The following LIPA variants were observed in gnomAD, a reference collection of about 807,000 sequenced individuals.
LIPA encodes lysosomal acid lipase/cholesteryl ester hydrolase.
In LIPA, 26 loss-of-function variants were observed where a neutral mutation model predicts 40.6. The ratio of observed to expected loss-of-function variants is 0.64; its 90% CI spans 0.47 to 0.89. The LOEUF is 0.89. Ranked by LOEUF, LIPA falls within the 40% of genes least tolerant of loss-of-function variation. LIPA has a pLI of 0.00. For synonymous variants in LIPA, 188 were observed against 168.4 expected (o/e 1.12, Z -0.90); for missense variants, 455 against 479.6 (o/e 0.95, Z 0.48).
upstream of LIPA, among the ~76,000 whole-genome samples, chr10:89,255,583 T>C (rs554732893): frequency 5.9e-5 from 9 of 152,126 alleles, no homozygotes; most frequent in African/African-American, 2.2e-4. Context: ...GTGATAGCAG[T>C]GAAAGTGGAG....
chr10:89,318,326 C>G (rs542877214), intron 1 of LIPA, among the ~76,000 whole-genome samples: 6 of 152,102 alleles, frequency 3.9e-5, no homozygotes, highest in African/African-American at 1.4e-4. Context: ...AGAGCCATCT[C>G]ATGGCAGAGA....
At chr10:89,281,210 C>T (rs574734022) in intron 1 of LIPA, among the ~76,000 whole-genome samples, 3 of 152,302 alleles carry the variant, frequency 2.0e-5, no homozygotes, top group Admixed American at 2.0e-4. Context: ...TCATCCTTCT[C>T]CTTCAGAGAC....
rs143365399 is a variant in LIPA at position 89,270,213 on chromosome 10, C to A, written c.-1-22564G>T. Among the ~76,000 whole-genome samples the A allele has an allele frequency of 1.7e-3, 254 of 152,332 alleles. 1 individual carries two copies. Among genetic ancestry groups the A allele is most frequent in the African/African-American group, 5.7e-3 (237 of 41,568 alleles). On this transcript the variant is annotated intron_variant, in intron 1 of 5. Coordinates refer to the LIPA transcript ENST00000282673. ...TTGTGTTGGTAAAGATCAGCTGAAG[C>A]AGTTTGCTTCCACCAGTCAGGGCCA...
rs1048342947 is a variant in LIPA, at chr10:89,248,402, C to T, written c.-1-753G>A. On this transcript the variant is annotated intron_variant, in intron 1 of 9. Transcript: ENST00000336233. ...GTCTCAGATGACTTCGTGACCTGCC[C>T]GCCTCCGCCTCCCAAAGGAATTATT... Among the ~76,000 whole-genome samples the T allele has an allele frequency of 2.7e-5, 4 of 146,538 alleles. No individual in the cohort carries two copies. The South Asian group carries it at 6.6e-4, about 24-fold the overall frequency.
intron 2 of LIPA, among the ~76,000 whole-genome samples, chr10:89,374,204 G>C (rs1844108009): frequency 6.6e-6 from 1 of 152,212 alleles, no homozygotes. Flanking sequence ...GCTGGTTCTG[G>C]AATGTTGATA....
intron 1 of LIPA, among the ~76,000 whole-genome samples, chr10:89,321,401 T>G (rs1177722316): frequency 6.6e-6 from 1 of 152,084 alleles, no homozygotes; most frequent in Non-Finnish European, 1.5e-5. Flanking sequence ...CATCAAAAAG[T>G]GGGCAAAGGC....
At chr10:89,384,834 T>C in intron 2 of LIPA, 1 of 1,138,094 alleles carries the variant, frequency 8.8e-7, no homozygotes, top group East Asian at 2.4e-5. Context: ...GAAATTTACC[T>C]TATTTTGAGC....
At chr10:89,306,048 T>G (rs779894027) in intron 1 of LIPA, 2 of 1,614,118 alleles carry the variant, frequency 1.2e-6, no homozygotes, top group African/African-American at 1.3e-5. Flanking sequence ...GAAAACTCCT[T>G]GGATGATTTT....
intron 1 of LIPA, among the ~76,000 whole-genome samples, chr10:89,274,915 A>G (rs1479363367): frequency 6.6e-6 from 1 of 152,246 alleles, no homozygotes; most frequent in Non-Finnish European, 1.5e-5. Flanking sequence ...CCATCATTGC[A>G]GAAGTCAAGA....
chr10:89,283,390 C>T (rs1589588132), intron 1 of LIPA, among the ~76,000 whole-genome samples: 1 of 152,222 alleles, frequency 6.6e-6, no homozygotes, highest in African/African-American at 2.4e-5. Context: ...TAATTCTTTG[C>T]TCAATTAAAC....
intron 2 of LIPA, among the ~76,000 whole-genome samples, chr10:89,354,739 T>A (rs910690879): frequency 1.3e-5 from 2 of 152,128 alleles, no homozygotes. Context: ...TGCTAATTTT[T>A]GTATTTTTAG....
intron 1 of LIPA, among the ~76,000 whole-genome samples, chr10:89,316,428 C>A (rs956085606): frequency 6.6e-6 from 1 of 152,266 alleles, no homozygotes; most frequent in African/African-American, 2.4e-5. Flanking sequence ...TATCCTGCTC[C>A]TGGCTCAGAG....
At chr10:89,299,494 G>A (rs753708373) in intron 1 of LIPA, among the ~76,000 whole-genome samples, 37 of 152,238 alleles carry the variant, frequency 2.4e-4, no homozygotes, top group Non-Finnish European at 4.4e-4. Context: ...TCCAGATACA[G>A]GAGGCCCAGC....
chr10:89,394,577 AATAT>A lies in LIPA; in HGVS notation c.61+18210_61+18213del, dbSNP rs200060906. On this transcript the variant is annotated intron_variant, in intron 2 of 8. Coordinates refer to the LIPA transcript ENST00000371837. ...TTTATGTCAATATGTACTACAGGAA[AATAT>A]ATATATATATATATATATATATATA... Among the ~76,000 whole-genome samples, 378 of 108,564 alleles carry A rather than the reference AATAT, an allele frequency of 3.5e-3. 4 individuals carry two copies. The highest frequency in any genetic ancestry group is 5.3e-3 in the South Asian group (18 of 3,404). The allele number at this position is 108,564 out of a possible 152,430, so 71.2% of individuals were successfully genotyped here.
rs374182900 is a variant in LIPA at position 89,239,357 on chromosome 10, AC to A, written c.229+6318del. On this transcript the variant is annotated intron_variant, in intron 3 of 9. Coordinates refer to ENST00000336233, the MANE Select transcript of LIPA (RefSeq NM_000235.4). ...TTGGGCAAGTTAATTAACCCTATAAACCTTGGTTTCCTCATCTGTAAAACAG... is the reference window on the plus strand; with the variant it reads ...TTGGGCAAGTTAATTAACCCTATAAACTTGGTTTCCTCATCTGTAAAACAG... Among the ~76,000 whole-genome samples, 49 of 152,232 alleles carry A rather than the reference AC, an allele frequency of 3.2e-4. 1 individual carries two copies. The East Asian group carries it at 8.9e-3, about 28-fold the overall frequency.
chr10:89,258,895 A>G (rs1328028402), intron 1 of LIPA, among the ~76,000 whole-genome samples: 1 of 152,238 alleles, frequency 6.6e-6, no homozygotes, highest in Non-Finnish European at 1.5e-5. Context: ...AAGCACTGAT[A>G]CTAACTACAA....
chr10:89,336,355 A>G (rs1843740575), intron 1 of LIPA, among the ~76,000 whole-genome samples: 2 of 152,208 alleles, frequency 1.3e-5, no homozygotes, highest in Admixed American at 6.5e-5. Context: ...ACACACATAA[A>G]GAGGCTAGCC....
At chr10:89,247,353 G>A (rs1843037928) in intron 2 of LIPA, among the ~76,000 whole-genome samples, 185 bp downstream of exon 2, 1 of 138,548 alleles carries the variant, frequency 7.2e-6, no homozygotes, top group Non-Finnish European at 1.5e-5. Context: ...GCCTGGGCGG[G>A]CAGGTGACAG....
At chr10:89,231,251 A>C (rs1184533160) in intron 3 of LIPA, among the ~76,000 whole-genome samples, 2 of 152,226 alleles carry the variant, frequency 1.3e-5, no homozygotes, top group Non-Finnish European at 2.9e-5. Context: ...TGAATTGACA[A>C]ATGTTCATTT....
Sources: allele counts gnomAD v4.1 joint callset (sites outside exome capture counted in the v4.1 genomes callset), GRCh38; gene constraint gnomAD v4.1.1; transcripts MANE v1.5; gene names NCBI Gene and HGNC (gene_info 2026-07-23, HGNC 2026-07-21).